The following MYLK4 variants were observed in gnomAD, a reference collection of about 807,000 sequenced individuals.
MYLK4 encodes caMLCK like.
Under a neutral mutation model 48.1 loss-of-function variants are expected in MYLK4, and 46 were observed. The ratio of observed to expected loss-of-function variants is 0.96; its 90% CI spans 0.75 to 1.22. The LOEUF (loss-of-function observed/expected upper bound fraction) is 1.22. Among genes scored for constraint, MYLK4 ranks in the 50% most tolerant of loss-of-function variants. The pLI is 0.00. For missense variants in MYLK4, 451 were observed against 486.1 expected, an observed-to-expected ratio of 0.93 and a Z score of 0.68; for synonymous variants, 170 against 180.8, an observed-to-expected ratio of 0.94 and a Z score of 0.48.
the MYLK4 span, chr6:2,768,731 A>G: frequency 8.3e-3 from 13,439 of 1,613,102 alleles, 79 homozygotes; most frequent in Non-Finnish European, 9.9e-3. Flanking sequence ...AGCAAGAAAC[A>G]TAGCATAAGG....
rs765395881 is a variant in MYLK4, at chr6:2,743,757, C to T, written c.159+5379G>A. ...AATGTGCCACATGCCACTATTATTA[C>T]CTCAACTGCCCCTAAGACCAGGGCC... On this transcript the variant is annotated intron_variant, in intron 2 of 12. Transcript: ENST00000274643. 18 of 394,278 alleles carry T rather than the reference C, an allele frequency of 4.6e-5. No individual in the cohort carries two copies. In the East Asian group the frequency reaches 6.1e-4, roughly 13 times the overall value. The allele number at this position is 394,278 out of a possible 1,614,324, so 24.4% of individuals were successfully genotyped here.
intron 7 of MYLK4, among the ~76,000 whole-genome samples, chr6:2,680,744 C>T (rs1011414079): frequency 6.6e-6 from 1 of 152,242 alleles, no homozygotes; most frequent in Admixed American, 6.5e-5. Context: ...TGAACATGCA[C>T]TGTCACGTGA....
the MYLK4 span, among the ~76,000 whole-genome samples, chr6:2,761,989 G>A: frequency 6.6e-6 from 1 of 152,096 alleles, no homozygotes; most frequent in Non-Finnish European, 1.5e-5. Flanking sequence ...TCGGCTCACT[G>A]CAACCTCCAC....
chr6:2,720,350 G>GC, intron 2 of MYLK4, among the ~76,000 whole-genome samples: 1 of 152,092 alleles, frequency 6.6e-6, no homozygotes, highest in South Asian at 2.1e-4. Context: ...GTTGCAGTGA[G>GC]CCGAGATCGC....
intron 2 of MYLK4, among the ~76,000 whole-genome samples, chr6:2,701,451 T>G (rs183286497): frequency 6.7e-4 from 102 of 152,282 alleles, no homozygotes; most frequent in Admixed American, 3.7e-3. Flanking sequence ...TTTAGAGATC[T>G]GCGCTTAGAC....
At chr6:2,725,853 T>A (rs1295376737) in intron 2 of MYLK4, among the ~76,000 whole-genome samples, 1 of 152,230 alleles carries the variant, frequency 6.6e-6, no homozygotes, top group Non-Finnish European at 1.5e-5. Context: ...GAGGGACACG[T>A]GAGTGCCTCT....
the MYLK4 span, among the ~76,000 whole-genome samples, chr6:2,760,030 C>T: frequency 2.0e-5 from 3 of 151,966 alleles, no homozygotes; most frequent in Admixed American, 6.5e-5. Context: ...AAAAATAGGA[C>T]AAATAAAAAA....
the MYLK4 span, chr6:2,765,571 T>G: frequency 1.2e-4 from 166 of 1,410,596 alleles, no homozygotes; most frequent in Non-Finnish European, 1.0e-4. Flanking sequence ...GGCCTCCGCG[T>G]GCGCACGGGT....
chr6:2,701,482 C>T (rs927458533), intron 2 of MYLK4, among the ~76,000 whole-genome samples: 1 of 152,150 alleles, frequency 6.6e-6, no homozygotes, highest in African/African-American at 2.4e-5. Context: ...AAATGCTTAA[C>T]CTCCTAATGG....
intron 2 of MYLK4, among the ~76,000 whole-genome samples, chr6:2,694,510 T>C (rs1254773323): frequency 1.8e-4 from 4 of 22,592 alleles, no homozygotes; most frequent in Non-Finnish European, 2.6e-4. Flanking sequence ...GTGGTGGTGG[T>C]GGCGGTGGTG....
rs576331745 is a variant in MYLK4, at chr6:2,702,363, A to C, written c.160-9504T>G. Among the ~76,000 whole-genome samples, 17 of 152,352 alleles carry C rather than the reference A, an allele frequency of 1.1e-4. No homozygotes were observed. In the Middle Eastern group the frequency reaches 0.014, roughly 122 times the overall value. ...TTAGGCAGTCAGGATTAATGCAAAG[A>C]ATACAGTTAGAATTAATACAAGTGC... On this transcript the variant is annotated intron_variant, in intron 2 of 12. Transcript: ENST00000274643.
chr6:2,697,442 A>G (rs1762103705), intron 2 of MYLK4, among the ~76,000 whole-genome samples: 1 of 152,236 alleles, frequency 6.6e-6, no homozygotes, highest in African/African-American at 2.4e-5. Flanking sequence ...GTTAACCATT[A>G]CATTTACTGC....
At chr6:2,706,883 G>T (rs11759309) in intron 2 of MYLK4, among the ~76,000 whole-genome samples, 28,394 of 152,144 alleles carry the variant, frequency 0.19, 2,822 homozygotes, top group African/African-American at 0.24. Context: ...CAGATGGAAA[G>T]CTCAATTATG....
chr6:2,676,698 C>T (rs1042219654), intron 10 of MYLK4, among the ~76,000 whole-genome samples: 5 of 152,142 alleles, frequency 3.3e-5, no homozygotes, highest in Middle Eastern at 3.2e-3. Flanking sequence ...TCATGAAGCC[C>T]TCAGACTGAA....
At chr6:2,693,748 C>G (rs1761902543) in intron 2 of MYLK4, among the ~76,000 whole-genome samples, 1 of 131,558 alleles carries the variant, frequency 7.6e-6, no homozygotes, top group Non-Finnish European at 1.6e-5. Context: ...AGACAAATTG[C>G]AAATGTGCTT....
chr6:2,767,721 C>T, the MYLK4 span, among the ~76,000 whole-genome samples: 2,574 of 152,324 alleles, frequency 0.017, 71 homozygotes, highest in African/African-American at 0.058. Context: ...TGGCCCCAGA[C>T]AGCAAGAAGG....
intron 2 of MYLK4, among the ~76,000 whole-genome samples, chr6:2,740,708 A>C (rs1357826834): frequency 6.6e-6 from 1 of 152,246 alleles, no homozygotes. Flanking sequence ...CATCGTAGAG[A>C]CATGGTGCTG....
intron 12 of MYLK4, among the ~76,000 whole-genome samples, chr6:2,669,594 G>C (rs1359262652): frequency 6.6e-6 from 1 of 152,136 alleles, no homozygotes; most frequent in Non-Finnish European, 1.5e-5. Context: ...AACTGCTTCT[G>C]GGGGTGAGGG....
At chr6:2,740,207 G>A (rs868710772) in intron 2 of MYLK4, among the ~76,000 whole-genome samples, 4 of 152,314 alleles carry the variant, frequency 2.6e-5, no homozygotes, top group South Asian at 2.1e-4. Context: ...GGCTGACAGT[G>A]AGACTTTAAA....
Sources: gnomAD v4.1 joint callset for allele counts (sites outside exome capture counted in the v4.1 genomes callset) on GRCh38, gnomAD v4.1.1 for gene constraint, MANE v1.5 for transcripts, NCBI Gene and HGNC (gene_info 2026-07-23, HGNC 2026-07-21) for gene names.